The following TRPM3 variants were observed in gnomAD, a reference collection of about 807,000 sequenced individuals.
TRPM3 encodes transient receptor potential cation channel subfamily M member 3.
TRPM3 carries 77 observed loss-of-function variants against 181.2 expected under a neutral mutation model. The observed-to-expected ratio is 0.42, with a 90% CI of 0.35 to 0.51. TRPM3 has a LOEUF of 0.51. Ranked by LOEUF, TRPM3 falls within the 20% of genes least tolerant of loss-of-function variation. The pLI is 0.01. For missense variants in TRPM3, 1,759 were observed against 2,196.7 expected (o/e 0.80, Z 3.98); for synonymous variants, 745 against 796.4 (o/e 0.94, Z 1.09).
At chr9:70,546,087 G>A (rs934771713) in intron 25 of TRPM3, among the ~76,000 whole-genome samples, 2 of 152,152 alleles carry the variant, frequency 1.3e-5, no homozygotes, top group Non-Finnish European at 2.9e-5. Flanking sequence ...ACTGCTTTGG[G>A]TACAAGCAAT....
intron 1 of TRPM3, among the ~76,000 whole-genome samples, chr9:71,367,823 G>A (rs1417136862): frequency 2.6e-5 from 4 of 152,150 alleles, no homozygotes; most frequent in Admixed American, 2.0e-4. Flanking sequence ...AACAGGATAC[G>A]CAGCTAATTT....
intron 1 of TRPM3, among the ~76,000 whole-genome samples, chr9:71,280,590 T>C (rs1407169642): frequency 1.3e-5 from 2 of 152,144 alleles, no homozygotes; most frequent in East Asian, 3.8e-4. Flanking sequence ...AATTAAATAA[T>C]GGAGTCAAAT....
intron 1 of TRPM3, among the ~76,000 whole-genome samples, chr9:71,381,377 C>G (rs2092796248): frequency 6.6e-6 from 1 of 152,064 alleles, no homozygotes; most frequent in East Asian, 1.9e-4. Flanking sequence ...ACCAACTAGT[C>G]TAATGGGAAA....
chr9:71,364,160 C>T (rs191558857), intron 1 of TRPM3, among the ~76,000 whole-genome samples: 363 of 149,534 alleles, frequency 2.4e-3, no homozygotes, highest in African/African-American at 8.4e-3. Flanking sequence ...GCAGAGCATA[C>T]GAAAACAAGA....
intron 1 of TRPM3, among the ~76,000 whole-genome samples, chr9:71,241,930 A>G (rs1366206631): frequency 6.6e-6 from 1 of 152,250 alleles, no homozygotes; most frequent in Non-Finnish European, 1.5e-5. Flanking sequence ...TATTTGGGAC[A>G]TTCATTTAAT....
At chr9:71,032,079 A>G in intron 1 of TRPM3, among the ~76,000 whole-genome samples, 1 of 4,730 alleles carries the variant, frequency 2.1e-4, no homozygotes, top group Non-Finnish European at 2.9e-4. Context: ...ATATTATATT[A>G]TATATATATA....
rs1266799607 is a variant in TRPM3, at chr9:70,862,896, C to T, written c.462+12G>A. ...ATAGCATTTGGGAGCAACTGAATGG[C>T]TTTCTGATTACCATGGCTTTGTTGG... On this transcript the variant is annotated intron_variant, in intron 3 of 25. Transcript: ENST00000677713. 4.3e-6 allele frequency: 7 copies of T among 1,612,698 alleles called. No individual in the cohort carries two copies. The highest frequency in any genetic ancestry group is 5.9e-6 in the Non-Finnish European group (7 of 1,179,282).
At chr9:71,278,298 T>TC (rs919709666) in intron 1 of TRPM3, among the ~76,000 whole-genome samples, 1 of 152,042 alleles carries the variant, frequency 6.6e-6, no homozygotes, top group East Asian at 1.9e-4. Flanking sequence ...GGAAGAGTGG[T>TC]CCCCCAAAGA....
chr9:71,021,163 C>T (rs1170929167), intron 1 of TRPM3, among the ~76,000 whole-genome samples: 1 of 152,106 alleles, frequency 6.6e-6, no homozygotes, highest in African/African-American at 2.4e-5. Flanking sequence ...ATATAAAGTT[C>T]ATAGCCAGGT....
At chr9:71,443,212 G>A (rs2094157237) in intron 1 of TRPM3, among the ~76,000 whole-genome samples, 1 of 152,014 alleles carries the variant, frequency 6.6e-6, no homozygotes, top group African/African-American at 2.4e-5. Flanking sequence ...ATGATTTGGG[G>A]TGTAATTTAA....
intron 1 of TRPM3, among the ~76,000 whole-genome samples, chr9:70,898,153 G>C (rs184844910): frequency 7.3e-5 from 11 of 150,942 alleles, no homozygotes; most frequent in South Asian, 2.1e-4. Flanking sequence ...GACGGAGTCT[G>C]GCTCTGTCGC....
At chr9:71,320,793 C>T (rs1324326173) in intron 1 of TRPM3, among the ~76,000 whole-genome samples, 2 of 152,134 alleles carry the variant, frequency 1.3e-5, no homozygotes, top group Non-Finnish European at 2.9e-5. Flanking sequence ...GAAAAATCCT[C>T]TTGAATGTCC....
intron 1 of TRPM3, among the ~76,000 whole-genome samples, chr9:71,266,870 C>T (rs1003814773): frequency 6.7e-6 from 1 of 149,826 alleles, no homozygotes; most frequent in Non-Finnish European, 1.5e-5. Flanking sequence ...CATTGTTTGT[C>T]TTTTTGTGGC....
intron 14 of TRPM3, among the ~76,000 whole-genome samples, chr9:70,623,149 G>A (rs1255888830): frequency 6.6e-6 from 1 of 152,112 alleles, no homozygotes; most frequent in Non-Finnish European, 1.5e-5. Context: ...TGGATCACCT[G>A]AGGTCAAGAG....
At chr9:70,841,933 T>A (rs1190931914) in intron 5 of TRPM3, among the ~76,000 whole-genome samples, 1 of 151,440 alleles carries the variant, frequency 6.6e-6, no homozygotes, top group Non-Finnish European at 1.5e-5. Flanking sequence ...ACTACAAAAG[T>A]GGGAGGGGTG....
chr9:70,969,779 T>TATATAC (rs900528837), intron 1 of TRPM3, among the ~76,000 whole-genome samples: 4,779 of 139,684 alleles, frequency 0.034, 163 homozygotes, highest in Non-Finnish European at 0.046. Flanking sequence ...TATATATATA[T>TATATAC]ACACACACAC....
chr9:70,855,718 A>T (rs1333724141), intron 3 of TRPM3, among the ~76,000 whole-genome samples: 1 of 152,168 alleles, frequency 6.6e-6, no homozygotes, highest in Non-Finnish European at 1.5e-5. Context: ...AACTCTTTGT[A>T]GGTACCTTTA....
At chr9:71,183,703 C>A (rs1485926591) in intron 1 of TRPM3, among the ~76,000 whole-genome samples, 2 of 152,056 alleles carry the variant, frequency 1.3e-5, no homozygotes, top group Non-Finnish European at 2.9e-5. Context: ...CACATTCTTG[C>A]AGCTAATAAA....
chr9:70,895,928 T>C (rs923916310), intron 1 of TRPM3, among the ~76,000 whole-genome samples: 4 of 152,080 alleles, frequency 2.6e-5, no homozygotes, highest in Non-Finnish European at 4.4e-5. Flanking sequence ...TAACCAGAGG[T>C]GACTCCAGTG....
Sources: gnomAD v4.1 joint callset for allele counts (sites outside exome capture counted in the v4.1 genomes callset) on GRCh38, gnomAD v4.1.1 for gene constraint, MANE v1.5 for transcripts, NCBI Gene and HGNC (gene_info 2026-07-23, HGNC 2026-07-21) for gene names.